The following SLC5A1 variants were observed in gnomAD, a reference collection of about 807,000 sequenced individuals.
The protein encoded by SLC5A1 is sodium/glucose cotransporter 1.
Under a neutral mutation model 73.5 loss-of-function variants are expected in SLC5A1, and 42 were observed. That is an observed-to-expected ratio of 0.57 (90% CI 0.45 to 0.74). The LOEUF is 0.74. SLC5A1 is among the 30% of genes least tolerant of loss of function. The pLI is 0.00. For missense variants in SLC5A1, 634 were observed against 855.4 expected, an observed-to-expected ratio of 0.74 and a Z score of 3.23; for synonymous variants, 300 against 317.4, an observed-to-expected ratio of 0.95 and a Z score of 0.58.
intron 5 of SLC5A1, among the ~76,000 whole-genome samples, chr22:32,074,449 T>A (rs2093987637): frequency 1.3e-5 from 2 of 152,276 alleles, no homozygotes; most frequent in Non-Finnish European, 2.9e-5. Context: ...TGCTGCTCCC[T>A]CTCTGTGTGA....
At chr22:32,071,992 T>C (rs1207400272) in intron 5 of SLC5A1, among the ~76,000 whole-genome samples, 1 of 152,232 alleles carries the variant, frequency 6.6e-6, no homozygotes, top group Non-Finnish European at 1.5e-5. Context: ...CTTTAACAAT[T>C]GTCAACATTT....
At chr22:32,047,718 G>A (rs977199392) in intron 1 of SLC5A1, among the ~76,000 whole-genome samples, 1 of 152,176 alleles carries the variant, frequency 6.6e-6, no homozygotes, top group Non-Finnish European at 1.5e-5. Context: ...TGCAGACTGA[G>A]CACCTAGCAA....
intron 5 of SLC5A1, among the ~76,000 whole-genome samples, chr22:32,074,837 GT>G (rs950088548): frequency 6.6e-6 from 1 of 152,068 alleles, no homozygotes; most frequent in African/African-American, 2.4e-5. Flanking sequence ...TCCAACAGGG[GT>G]TTTACTTACA....
chr22:32,087,552 G>A (rs1041625438), intron 10 of SLC5A1, among the ~76,000 whole-genome samples: 2 of 152,176 alleles, frequency 1.3e-5, no homozygotes, highest in Non-Finnish European at 2.9e-5. Flanking sequence ...GAGATGGATG[G>A]CATTCAAGGC....
chr22:32,096,588 G>A (rs924112749), intron 11 of SLC5A1, among the ~76,000 whole-genome samples: 1 of 152,214 alleles, frequency 6.6e-6, no homozygotes, highest in Non-Finnish European at 1.5e-5. Context: ...CAAGCACTGT[G>A]CACATTTCTT....
At chr22:32,102,990 G>A (rs2094039110) in intron 13 of SLC5A1, among the ~76,000 whole-genome samples, 1 of 152,162 alleles carries the variant, frequency 6.6e-6, no homozygotes, top group Non-Finnish European at 1.5e-5. Flanking sequence ...CACTTAGATT[G>A]ATTCCATATC....
At chr22:32,101,314 A>AAAGGAAGGAGGGAAGG (rs1227858038) in intron 12 of SLC5A1, among the ~76,000 whole-genome samples, 4 of 152,094 alleles carry the variant, frequency 2.6e-5, no homozygotes. Flanking sequence ...AGAAAGGAAA[A>AAAGGAAGGAGGGAAGG]AAGGAAGGAG....
rs1428441412 is a variant in SLC5A1 at position 32,047,488 on chromosome 22, C to A, written c.136-2455C>A. On this transcript the variant is annotated intron_variant, in intron 1 of 14. Coordinates refer to ENST00000266088, the MANE Select transcript of SLC5A1 (RefSeq NM_000343.4). ...TTTTTCTGTTTTGGCCCTTAGCTAC[C>A]TTTTCTGATTCTTAGGTCTCTTGCT... Among the ~76,000 whole-genome samples, 4 of 151,316 alleles carry A rather than the reference C, an allele frequency of 2.6e-5. No homozygotes were observed. In the East Asian group the frequency reaches 7.8e-4, roughly 29 times the overall value.
chr22:32,065,292 A>G (rs528442267), intron 2 of SLC5A1, among the ~76,000 whole-genome samples: 24 of 152,238 alleles, frequency 1.6e-4, no homozygotes, highest in African/African-American at 5.3e-4. Flanking sequence ...TCATTATCAT[A>G]TATCAACCTT....
chr22:32,067,844 C>G (rs2093976390), intron 3 of SLC5A1, 123 bp from the exon 4 acceptor site: 1 of 1,008,968 alleles, frequency 9.9e-7, no homozygotes. Flanking sequence ...CCTGCAGTCT[C>G]TAACGGCTCC....
At chr22:32,073,218 G>A (rs2093985468) in intron 5 of SLC5A1, among the ~76,000 whole-genome samples, 1 of 152,158 alleles carries the variant, frequency 6.6e-6, no homozygotes, top group African/African-American at 2.4e-5. Context: ...TATGTATATG[G>A]TATGGCCATG....
In SLC5A1 at chr22:32,086,008, G is replaced by A. The variant is rs187325164; in HGVS notation, c.1022-212G>A. Reference sequence around the variant, plus strand: ...TACAAAAAATTAGCCAGGCATGGTGGTGGGCGCCTGTAGTCCCAGCTACTT... The same window carrying A: ...TACAAAAAATTAGCCAGGCATGGTGATGGGCGCCTGTAGTCCCAGCTACTT... On this transcript the variant is annotated intron_variant, in intron 9 of 14. Transcript: ENST00000266088. 1.5e-3 allele frequency among the ~76,000 whole-genome samples: 234 copies of A among 152,234 alleles called. 1 individual carries two copies. Among genetic ancestry groups the A allele is most frequent in the African/African-American group, 3.9e-3 (161 of 41,546 alleles).
intron 5 of SLC5A1, 108 bp downstream of exon 5, chr22:32,068,708 C>A (rs2093978205): frequency 1.3e-6 from 1 of 782,766 alleles, no homozygotes; most frequent in Admixed American, 2.0e-5. Flanking sequence ...ATTAACTTGG[C>A]CCCTTAAGCC....
Position 32,072,042 on chromosome 22 carries a change from C to T in SLC5A1, c.477+3442C>T, listed in dbSNP as rs117658963. ...CATCTATCCTCTTCCAATTTTTTCC[C>T]CAGCAGTATTTTATTTTATTTTATT... On this transcript the variant is annotated intron_variant, in intron 5 of 14. Coordinates refer to ENST00000266088, the MANE Select transcript of SLC5A1 (RefSeq NM_000343.4). 7.8e-4 allele frequency among the ~76,000 whole-genome samples: 118 copies of T among 152,174 alleles called. 2 individuals carry two copies. The East Asian group carries it at 0.02, about 26-fold the overall frequency.
At chr22:32,089,763 CAGAT>C (rs1472796080) in intron 10 of SLC5A1, among the ~76,000 whole-genome samples, 1 of 152,100 alleles carries the variant, frequency 6.6e-6, no homozygotes, top group Non-Finnish European at 1.5e-5. Flanking sequence ...ATTCATGTAT[CAGAT>C]GGATGATAGG....
chr22:32,071,522 G>A (rs1226452322), intron 5 of SLC5A1, among the ~76,000 whole-genome samples: 1 of 152,170 alleles, frequency 6.6e-6, no homozygotes, highest in Non-Finnish European at 1.5e-5. Flanking sequence ...AGCACTCTCT[G>A]CAAGAAGCTC....
chr22:32,082,941 G>C (rs955513095), intron 6 of SLC5A1, 133 bp from the exon 7 acceptor site: 2 of 758,086 alleles, frequency 2.6e-6, no homozygotes, highest in Non-Finnish European at 4.7e-6. Flanking sequence ...GGGAAGGAAG[G>C]AGAGGCAGGC....
chr22:32,080,862 T>C (rs140617976), intron 5 of SLC5A1, among the ~76,000 whole-genome samples: 6,816 of 152,092 alleles, frequency 0.045, 206 homozygotes, highest in Non-Finnish European at 0.07. Flanking sequence ...GGTGTGGTGG[T>C]GCACACATGT....
rs28709492 is a variant in SLC5A1 at position 32,086,426 on chromosome 22, T to C, written c.1129+99T>C. On this transcript the variant is annotated intron_variant, in intron 10 of 14. Transcript: ENST00000266088. ...CTGTGAACCTTCTGGGCAAAGACAT[T>C]TCTTAGCCGGGGGGTTAGAAGGGAA... 2,962 of 849,156 alleles carry C rather than the reference T, an allele frequency of 3.5e-3. 51 individuals are homozygous for C. The African/African-American group carries it at 0.043, about 12-fold the overall frequency. 52.6% of individuals were successfully genotyped at this position (849,156 alleles called of 1,614,324 possible).
Sources: allele counts gnomAD v4.1 joint callset (sites outside exome capture counted in the v4.1 genomes callset), GRCh38; gene constraint gnomAD v4.1.1; transcripts MANE v1.5; gene names NCBI Gene and HGNC (gene_info 2026-07-23, HGNC 2026-07-21).